LYPD6B: variants seen among roughly 807,000 people sequenced by gnomAD.
The protein encoded by LYPD6B is ly6/PLAUR domain-containing protein 6B.
LYPD6B carries 17 observed loss-of-function variants against 22.8 expected under a neutral mutation model. The observed-to-expected ratio is 0.75, with a 90% CI of 0.51 to 1.12. LYPD6B has a LOEUF of 1.12. Among genes scored for constraint, LYPD6B ranks in the 50% most tolerant of loss-of-function variants. The probability of loss-of-function intolerance (pLI) is 0.00; values close to 1 mark genes in which losing one functional copy is unlikely to be tolerated. For missense variants in LYPD6B, 221 were observed against 258.3 expected (o/e 0.86, Z 0.99); for synonymous variants, 106 against 91.6 (o/e 1.16, Z -0.90).
chr2:149,107,289 T>C (rs1311562120), intron 1 of LYPD6B, among the ~76,000 whole-genome samples: 1 of 152,166 alleles, frequency 6.6e-6, no homozygotes, highest in Non-Finnish European at 1.5e-5. Context: ...ACAGTGTGGA[T>C]ATGTGGGACA....
At chr2:149,152,013 T>A (rs1052367248) in intron 2 of LYPD6B, among the ~76,000 whole-genome samples, 15 of 152,168 alleles carry the variant, frequency 9.9e-5, no homozygotes, top group Non-Finnish European at 2.2e-4. Context: ...TCTCCGACAT[T>A]TGCTCATCAA....
At chr2:149,058,840 G>A (rs1365868471) in intron 1 of LYPD6B, among the ~76,000 whole-genome samples, 1 of 152,176 alleles carries the variant, frequency 6.6e-6, no homozygotes, top group Non-Finnish European at 1.5e-5. Context: ...GGCTGGTCTT[G>A]AACTCCTAAC....
intron 6 of LYPD6B, among the ~76,000 whole-genome samples, chr2:149,214,082 C>A (rs184403455): frequency 2.0e-5 from 3 of 152,168 alleles, no homozygotes; most frequent in Admixed American, 1.3e-4. Context: ...AATTAGTAAA[C>A]CATTGTTGCT....
At chr2:149,139,669 C>T (rs1334160720) in intron 2 of LYPD6B, among the ~76,000 whole-genome samples, 1 of 152,162 alleles carries the variant, frequency 6.6e-6, no homozygotes, top group Non-Finnish European at 1.5e-5. Context: ...AGCAACATAA[C>T]TACTTTAAAA....
At chr2:149,142,818 A>G (rs1688773856) in intron 2 of LYPD6B, among the ~76,000 whole-genome samples, 1 of 152,112 alleles carries the variant, frequency 6.6e-6, no homozygotes, top group Non-Finnish European at 1.5e-5. Flanking sequence ...GCCCTCTTGA[A>G]CTAAGTATTT....
At chr2:149,212,956 G>T in intron 5 of LYPD6B, 36 bp from the exon 6 acceptor site, 1 of 1,601,382 alleles carries the variant, frequency 6.2e-7, no homozygotes, top group Non-Finnish European at 8.5e-7. Flanking sequence ...AAATTACCTT[G>T]TTTCTTGGTT....
At chr2:149,183,710 A>T (rs13035861) in intron 3 of LYPD6B, among the ~76,000 whole-genome samples, 46,833 of 152,014 alleles carry the variant, frequency 0.31, 9,053 homozygotes, top group East Asian at 0.56. Context: ...CTATATTCAA[A>T]TCACTTTAGG....
intron 1 of LYPD6B, among the ~76,000 whole-genome samples, chr2:149,073,562 C>G (rs1470897054): frequency 1.3e-5 from 2 of 152,074 alleles, no homozygotes; most frequent in African/African-American, 4.8e-5. Flanking sequence ...CTGTTTGGGG[C>G]TCTGTGCTGA....
intron 1 of LYPD6B, among the ~76,000 whole-genome samples, chr2:149,039,437 G>A (rs188467917): frequency 6.6e-6 from 1 of 152,188 alleles, no homozygotes; most frequent in South Asian, 2.1e-4. Context: ...GTGGCGTTTG[G>A]GGGGAGCTGG....
chr2:149,129,460 C>T (rs1409329344), intron 1 of LYPD6B, among the ~76,000 whole-genome samples: 2 of 152,216 alleles, frequency 1.3e-5, no homozygotes, highest in Non-Finnish European at 2.9e-5. Flanking sequence ...CTCAAACTCT[C>T]TATCTGAAAA....
rs190225787 is a variant in LYPD6B, at chr2:149,176,284, T to A, written c.77+15449T>A. ...TCATTATGCGGCATGTGACTGTATG[T>A]GCGTGTGTGCACACAGATGTGTGTG... On this transcript the variant is annotated intron_variant, in intron 3 of 6. Coordinates refer to ENST00000409642, the MANE Select transcript of LYPD6B (RefSeq NM_177964.5). Among the ~76,000 whole-genome samples, 18 of 152,272 alleles carry A rather than the reference T, an allele frequency of 1.2e-4. No individual in the cohort carries two copies. In the East Asian group the frequency reaches 2.9e-3, roughly 25 times the overall value.
intron 1 of LYPD6B, among the ~76,000 whole-genome samples, chr2:149,100,364 C>T (rs1349329358): frequency 2.1e-5 from 3 of 140,126 alleles, no homozygotes; most frequent in Non-Finnish European, 4.5e-5. Flanking sequence ...CAAAAGCAGC[C>T]CCTTTTGGAT....
intron 1 of LYPD6B, among the ~76,000 whole-genome samples, chr2:149,062,615 G>A (rs1684139841): frequency 6.6e-6 from 1 of 151,992 alleles, no homozygotes; most frequent in Admixed American, 6.6e-5. Context: ...TTTTCTTAAA[G>A]TAGTTGCTTC....
chr2:149,146,928 G>C (rs430870), intron 2 of LYPD6B, among the ~76,000 whole-genome samples: 96,660 of 152,078 alleles, frequency 0.64, 30,844 homozygotes, highest in South Asian at 0.75. Context: ...GCACAAGAAA[G>C]TCGAGGTGCA....
At chr2:149,199,466 A>G (rs1487655679) in intron 3 of LYPD6B, among the ~76,000 whole-genome samples, 4 of 152,212 alleles carry the variant, frequency 2.6e-5, no homozygotes, top group African/African-American at 7.2e-5. Context: ...TGCTCAGTAC[A>G]GTACCTGGTA....
chr2:149,064,200 T>G (rs1476359891), intron 1 of LYPD6B, among the ~76,000 whole-genome samples: 1 of 152,220 alleles, frequency 6.6e-6, no homozygotes, highest in Non-Finnish European at 1.5e-5. Context: ...CTATTTTGCT[T>G]ATGTTTCCAA....
intron 2 of LYPD6B, among the ~76,000 whole-genome samples, chr2:149,150,211 G>A (rs756622750): frequency 6.6e-6 from 1 of 152,066 alleles, no homozygotes; most frequent in Non-Finnish European, 1.5e-5. Flanking sequence ...AATGTGGATG[G>A]GTTGCTCTGT....
At chr2:149,155,608 C>G (rs1158091954) in intron 2 of LYPD6B, among the ~76,000 whole-genome samples, 1 of 152,204 alleles carries the variant, frequency 6.6e-6, no homozygotes, top group Non-Finnish European at 1.5e-5. Context: ...TGAGCAAGAC[C>G]AGGGAGTCTA....
At chr2:149,106,537 TC>T (rs1467101719) in intron 1 of LYPD6B, among the ~76,000 whole-genome samples, 1 of 152,174 alleles carries the variant, frequency 6.6e-6, no homozygotes, top group East Asian at 1.9e-4. Flanking sequence ...TTATATTTAA[TC>T]TATGTTTTTG....
Sources: gnomAD v4.1 joint callset for allele counts (sites outside exome capture counted in the v4.1 genomes callset) on GRCh38, gnomAD v4.1.1 for gene constraint, MANE v1.5 for transcripts, NCBI Gene and HGNC (gene_info 2026-07-23, HGNC 2026-07-21) for gene names.